The following LRRTM4 variants were observed in gnomAD, a reference collection of about 807,000 sequenced individuals.
LRRTM4 encodes leucine rich repeat transmembrane neuronal 4, also known as leucine-rich repeat transmembrane neuronal protein 4.
In LRRTM4, 25 loss-of-function variants were observed where a neutral mutation model predicts 47.6. The observed-to-expected ratio is 0.53, with a 90% CI of 0.38 to 0.73. The LOEUF is 0.73. Ranked by LOEUF, LRRTM4 falls within the 30% of genes least tolerant of loss-of-function variation. The probability of loss-of-function intolerance (pLI) is 0.00; values close to 1 mark genes in which losing one functional copy is unlikely to be tolerated. For missense variants in LRRTM4, 638 were observed against 713.4 expected (o/e 0.89, Z 1.20); for synonymous variants, 311 against 269.5 (o/e 1.15, Z -1.51).
chr2:77,223,402 A>C (rs1674702283), intron 3 of LRRTM4, among the ~76,000 whole-genome samples: 1 of 152,196 alleles, frequency 6.6e-6, no homozygotes, highest in Non-Finnish European at 1.5e-5. Context: ...TCAATTAGGA[A>C]AAGAGGAAGT....
intron 3 of LRRTM4, among the ~76,000 whole-genome samples, chr2:76,883,610 A>C (rs2104115936): frequency 6.6e-6 from 1 of 152,156 alleles, no homozygotes; most frequent in African/African-American, 2.4e-5. Context: ...AGCAAACAAA[A>C]ATGTTAAAGC....
chr2:77,423,133 G>C (rs1257704780), intron 3 of LRRTM4, among the ~76,000 whole-genome samples: 3 of 151,942 alleles, frequency 2.0e-5, no homozygotes, highest in African/African-American at 7.2e-5. Flanking sequence ...TTGCTTTATT[G>C]CTAGATAATG....
intron 3 of LRRTM4, among the ~76,000 whole-genome samples, chr2:77,483,525 G>A (rs1169404789): frequency 1.3e-5 from 2 of 152,130 alleles, no homozygotes; most frequent in Non-Finnish European, 2.9e-5. Flanking sequence ...ATTTTTAGTA[G>A]AGACGGAGTT....
intron 3 of LRRTM4, among the ~76,000 whole-genome samples, chr2:77,175,119 G>C (rs1390446632): frequency 6.7e-6 from 1 of 148,990 alleles, no homozygotes; most frequent in African/African-American, 2.5e-5. Flanking sequence ...ACACAGGCTG[G>C]AGTACAGTGA....
intron 3 of LRRTM4, among the ~76,000 whole-genome samples, chr2:77,470,235 A>C (rs1335884456): frequency 1.3e-5 from 2 of 152,176 alleles, no homozygotes; most frequent in African/African-American, 2.4e-5. Flanking sequence ...TTTCATTCCA[A>C]ATAGTCCAGC....
intron 3 of LRRTM4, among the ~76,000 whole-genome samples, chr2:77,303,592 T>C (rs181323199): frequency 6.6e-6 from 1 of 152,316 alleles, no homozygotes; most frequent in Admixed American, 6.5e-5. Context: ...ACTTTTTAAC[T>C]CTGATCACAT....
At chr2:76,906,175 G>C (rs1330456579) in intron 3 of LRRTM4, among the ~76,000 whole-genome samples, 3 of 152,188 alleles carry the variant, frequency 2.0e-5, no homozygotes, top group Non-Finnish European at 4.4e-5. Flanking sequence ...AGTCAGAAGA[G>C]ACTGGGGGCC....
At chr2:77,443,154 T>A (rs1675913277) in intron 3 of LRRTM4, among the ~76,000 whole-genome samples, 1 of 152,126 alleles carries the variant, frequency 6.6e-6, no homozygotes, top group South Asian at 2.1e-4. Flanking sequence ...GTAAGATGGG[T>A]TGCAAATGTA....
chr2:77,015,546 G>A (rs1474360440), intron 3 of LRRTM4, among the ~76,000 whole-genome samples: 4 of 151,912 alleles, frequency 2.6e-5, no homozygotes, highest in Non-Finnish European at 5.9e-5. Context: ...GGCTGGTCTC[G>A]AACTCCTGAC....
At chr2:76,764,318 T>C (rs1053608871) in intron 3 of LRRTM4, among the ~76,000 whole-genome samples, 2 of 152,178 alleles carry the variant, frequency 1.3e-5, no homozygotes, top group Non-Finnish European at 2.9e-5. Flanking sequence ...GGACCATTAC[T>C]TGATAAAGTG....
At position 76,748,827 on chromosome 2, in the gene LRRTM4, G is replaced by T. The variant is rs1221341010; in HGVS notation, c.1641C>A (p.Thr547=). ...CTGGAGACACTGTCTCATAGCCCTT[G>T]GTGACATGGAGTGGCTGGTGGGCCT... ...YCQAHQPLHV[T]KGYETVSPEQ... Residue 547 remains threonine (T), a synonymous_variant, in exon 4 of 4, where the codon ACC becomes ACA. Transcript: ENST00000409884. 1 of 1,613,906 alleles carries T rather than the reference G, an allele frequency of 6.2e-7. No homozygotes were observed. The highest frequency in any genetic ancestry group is 8.5e-7 in the Non-Finnish European group (1 of 1,179,898).
intron 3 of LRRTM4, among the ~76,000 whole-genome samples, chr2:77,074,681 AAGG>A (rs1680274805): frequency 1.3e-5 from 2 of 152,116 alleles, no homozygotes; most frequent in Non-Finnish European, 2.9e-5. Flanking sequence ...GGACAGAGAG[AAGG>A]AGAACTATTT....
intron 3 of LRRTM4, among the ~76,000 whole-genome samples, chr2:77,177,415 T>C (rs1283098355): frequency 6.6e-6 from 1 of 152,150 alleles, no homozygotes; most frequent in Non-Finnish European, 1.5e-5. Context: ...GTATCCAAAA[T>C]GTGAGGAGGG....
intron 3 of LRRTM4, among the ~76,000 whole-genome samples, chr2:77,053,796 G>T (rs1309227125): frequency 1.3e-5 from 2 of 152,110 alleles, no homozygotes; most frequent in African/African-American, 2.4e-5. Flanking sequence ...TGAGCTAAAA[G>T]AGATTTATAT....
At chr2:77,251,485 G>C (rs1042287054) in intron 3 of LRRTM4, among the ~76,000 whole-genome samples, 48 of 152,070 alleles carry the variant, frequency 3.2e-4, no homozygotes, top group African/African-American at 1.2e-3. Context: ...ATTCACCCCA[G>C]GGAGAATATA....
chr2:77,018,908 G>A (rs1318850442), intron 3 of LRRTM4, among the ~76,000 whole-genome samples: 1 of 151,922 alleles, frequency 6.6e-6, no homozygotes, highest in Non-Finnish European at 1.5e-5. Flanking sequence ...ATGGATTTGT[G>A]TTTGAATGTG....
intron 3 of LRRTM4, among the ~76,000 whole-genome samples, chr2:77,242,924 G>A (rs2861013): frequency 0.69 from 104,011 of 151,722 alleles, 36,258 homozygotes; most frequent in African/African-American, 0.83. Flanking sequence ...CTATACACCC[G>A]TGTTCATAGC....
intron 3 of LRRTM4, among the ~76,000 whole-genome samples, chr2:76,865,365 T>A (rs1007910790): frequency 2.0e-5 from 3 of 152,148 alleles, no homozygotes; most frequent in Admixed American, 1.3e-4. Flanking sequence ...CAACATAGAA[T>A]TGATACCAAT....
At chr2:77,221,893 C>G (rs2103949754) in intron 3 of LRRTM4, among the ~76,000 whole-genome samples, 1 of 152,280 alleles carries the variant, frequency 6.6e-6, no homozygotes, top group Non-Finnish European at 1.5e-5. Context: ...CCCAAATCAA[C>G]AGAATATACA....
Sources: gnomAD v4.1 joint callset for allele counts (sites outside exome capture counted in the v4.1 genomes callset) on GRCh38, gnomAD v4.1.1 for gene constraint, MANE v1.5 for transcripts, NCBI Gene and HGNC (gene_info 2026-07-23, HGNC 2026-07-21) for gene names.